DMRT1: variants seen among roughly 807,000 people sequenced by gnomAD.
The protein encoded by DMRT1 is doublesex- and mab-3-related transcription factor 1.
A neutral mutation model predicts 32.3 loss-of-function variants in DMRT1; 7 were observed. The ratio of observed to expected loss-of-function variants is 0.22; its 90% confidence interval spans 0.12 to 0.41. The LOEUF is 0.41. Among genes scored for constraint, DMRT1 ranks in the 10% least tolerant of loss-of-function variants. DMRT1 has a pLI of 1.00. For synonymous variants in DMRT1, 278 were observed against 206.1 expected, an observed-to-expected ratio of 1.35 and a Z score of -2.99; for missense variants, 625 against 500.5, an observed-to-expected ratio of 1.25 and a Z score of -2.37.
intron 2 of DMRT1, among the ~76,000 whole-genome samples, chr9:876,692 C>T (rs1382204389): frequency 6.6e-6 from 1 of 152,024 alleles, no homozygotes; most frequent in Non-Finnish European, 1.5e-5. Flanking sequence ...CCACTATGCC[C>T]AGCTATTTTA....
At chr9:922,053 T>C (rs1221646934) in intron 4 of DMRT1, among the ~76,000 whole-genome samples, 1 of 152,028 alleles carries the variant, frequency 6.6e-6, no homozygotes, top group East Asian at 1.9e-4. Context: ...GCTAATTTTT[T>C]TTTTTCTGTA....
chr9:877,272 G>A (rs899357761), intron 2 of DMRT1, among the ~76,000 whole-genome samples: 1 of 152,148 alleles, frequency 6.6e-6, no homozygotes, highest in Non-Finnish European at 1.5e-5. Flanking sequence ...TCGTTCCCAG[G>A]ATATACATAC....
chr9:920,186 C>G (rs1818309905), intron 4 of DMRT1, among the ~76,000 whole-genome samples: 2 of 151,852 alleles, frequency 1.3e-5, no homozygotes. Context: ...TTTGGGGGTT[C>G]AGTGCATAGG....
At chr9:852,767 C>T (rs1164337441) in intron 2 of DMRT1, among the ~76,000 whole-genome samples, 2 of 152,222 alleles carry the variant, frequency 1.3e-5, no homozygotes, top group African/African-American at 2.4e-5. Flanking sequence ...CCCCCCTGGG[C>T]AGCTCCAGCC....
At chr9:881,159 T>G (rs890107821) in intron 2 of DMRT1, among the ~76,000 whole-genome samples, 1 of 152,146 alleles carries the variant, frequency 6.6e-6, no homozygotes, top group African/African-American at 2.4e-5. Flanking sequence ...ACTTCTGGTT[T>G]AGAGGCAGGT....
At chr9:907,426 C>T (rs956411124) in intron 3 of DMRT1, among the ~76,000 whole-genome samples, 3 of 152,126 alleles carry the variant, frequency 2.0e-5, no homozygotes, top group Non-Finnish European at 4.4e-5. Context: ...ATGAAGAAGG[C>T]GCTGAGCTAG....
intron 2 of DMRT1, among the ~76,000 whole-genome samples, chr9:886,680 T>A (rs1816943731): frequency 6.6e-6 from 1 of 152,124 alleles, no homozygotes; most frequent in Non-Finnish European, 1.5e-5. Flanking sequence ...TATATATAAA[T>A]ATATACATAT....
chr9:880,217 T>A (rs1816676440), intron 2 of DMRT1, among the ~76,000 whole-genome samples: 1 of 152,132 alleles, frequency 6.6e-6, no homozygotes. Context: ...GTTGCACAAA[T>A]GTCCTTTTTC....
rs571191251 is a variant in DMRT1, at chr9:922,153, A to G, written c.967+5246A>G. The stretch of plus-strand genomic sequence containing the variant: ...CTCGGCCTCCCAAAGTGCTGGGATT[A>G]TAGGTGTGAGCCATCTTACCTGGCC... On this transcript the variant is annotated intron_variant, in intron 4 of 4. Transcript: ENST00000382276. Among the ~76,000 whole-genome samples the G allele has an allele frequency of 5.9e-5, 9 of 152,134 alleles. No individual in the cohort carries two copies. In the East Asian group the frequency reaches 1.7e-3, roughly 29 times the overall value.
rs557233207 is a variant in DMRT1 at position 961,139 on chromosome 9, G to A, written c.968-6846G>A. ...GGTAGTAAGACAGCCCACCTCCGGAGCCCACACCTGACCCCTCTACTCTGT... is the reference window on the plus strand; with the variant it reads ...GGTAGTAAGACAGCCCACCTCCGGAACCCACACCTGACCCCTCTACTCTGT... On this transcript the variant is annotated intron_variant, in intron 4 of 4. Coordinates refer to ENST00000382276, the MANE Select transcript of DMRT1 (RefSeq NM_021951.3). Among the ~76,000 whole-genome samples the A allele has an allele frequency of 1.6e-4, 24 of 152,298 alleles. No individual in the cohort carries two copies. The South Asian group carries it at 3.7e-3, about 24-fold the overall frequency.
In DMRT1 at chr9:854,897, C is replaced by T. The variant is rs56934911; in HGVS notation, c.538+7754C>T. ...TCTCCTGCCTCAGCCTCCCGAGTAG[C>T]TGGGACTACAGGCGCCCGCCGCCAC... On this transcript the variant is annotated intron_variant, in intron 2 of 4. Coordinates refer to ENST00000382276, the MANE Select transcript of DMRT1 (RefSeq NM_021951.3). Among the ~76,000 whole-genome samples the T allele has an allele frequency of 9.7e-4, 146 of 150,142 alleles. 1 individual carries two copies. The highest frequency in any genetic ancestry group is 3.5e-3 in the African/African-American group (142 of 40,780).
chr9:879,506 A>C (rs1455550813), intron 2 of DMRT1, among the ~76,000 whole-genome samples: 1 of 152,196 alleles, frequency 6.6e-6, no homozygotes, highest in Non-Finnish European at 1.5e-5. Flanking sequence ...GTTCTAATGG[A>C]AATACAGGAA....
At chr9:900,873 G>A (rs139249418) in intron 3 of DMRT1, among the ~76,000 whole-genome samples, 3 of 151,846 alleles carry the variant, frequency 2.0e-5, no homozygotes, top group East Asian at 3.9e-4. Flanking sequence ...AACTTTTTTT[G>A]TAGAGATGGG....
intron 4 of DMRT1, among the ~76,000 whole-genome samples, chr9:941,499 G>C (rs1301753434): frequency 6.6e-6 from 1 of 152,132 alleles, no homozygotes; most frequent in African/African-American, 2.4e-5. Flanking sequence ...AAACATAGAG[G>C]CAAAAAGTGG....
chr9:910,379 G>A (rs16925792), intron 3 of DMRT1, among the ~76,000 whole-genome samples: 1 of 151,284 alleles, frequency 6.6e-6, no homozygotes, highest in East Asian at 1.9e-4. Flanking sequence ...GCAGCCATGC[G>A]ATGTTTAGTA....
chr9:891,818 C>T (rs1013394745), intron 2 of DMRT1, among the ~76,000 whole-genome samples: 76 of 152,296 alleles, frequency 5.0e-4, no homozygotes, highest in African/African-American at 1.8e-3. Flanking sequence ...GCCACCGTGC[C>T]TGGCTGGAGC....
At chr9:882,840 C>T (rs936436776) in intron 2 of DMRT1, among the ~76,000 whole-genome samples, 2 of 147,266 alleles carry the variant, frequency 1.4e-5, no homozygotes, top group African/African-American at 2.6e-5. Context: ...GGCATGATCT[C>T]GGCTCACTGC....
At chr9:878,207 C>A (rs796845272) in intron 2 of DMRT1, among the ~76,000 whole-genome samples, 2 of 125,846 alleles carry the variant, frequency 1.6e-5, no homozygotes, top group South Asian at 3.2e-4. Context: ...GCTGCCCCCC[C>A]CCCACCCAAT....
chr9:856,496 C>G (rs908438595), intron 2 of DMRT1, among the ~76,000 whole-genome samples: 1 of 152,140 alleles, frequency 6.6e-6, no homozygotes, highest in Non-Finnish European at 1.5e-5. Flanking sequence ...AGATGTGTAA[C>G]CTTTTGTGTC....
Sources: allele counts gnomAD v4.1 joint callset (sites outside exome capture counted in the v4.1 genomes callset), GRCh38; gene constraint gnomAD v4.1.1; transcripts MANE v1.5; gene names NCBI Gene and HGNC (gene_info 2026-07-23, HGNC 2026-07-21).